TCF12: variants seen among roughly 807,000 people sequenced by gnomAD.
TCF12 encodes the protein transcription factor 12.
A neutral mutation model predicts 86.0 loss-of-function variants in TCF12; 45 were observed. That is an observed-to-expected ratio of 0.52 (90% CI 0.41 to 0.67). The LOEUF is 0.67. Ranked by LOEUF, TCF12 falls within the 30% of genes least tolerant of loss-of-function variation. The probability of loss-of-function intolerance (pLI) is 0.00; values close to 1 mark genes in which losing one functional copy is unlikely to be tolerated. For synonymous variants in TCF12, 330 were observed against 299.6 expected (o/e 1.10, Z -1.05); for missense variants, 881 against 859.9 (o/e 1.02, Z -0.31).
chr15:57,017,614 T>C (rs2065226748), intron 3 of TCF12, among the ~76,000 whole-genome samples: 1 of 152,090 alleles, frequency 6.6e-6, no homozygotes, highest in South Asian at 2.1e-4. Flanking sequence ...AGTAGGTATA[T>C]CAAAATAGGC....
Position 56,972,995 on chromosome 15 carries a change from A to G in TCF12, c.148+51897A>G, listed in dbSNP as rs1475366098. Among the ~76,000 whole-genome samples, 5 of 152,114 alleles carry G rather than the reference A, an allele frequency of 3.3e-5. No homozygotes were observed. The East Asian group carries it at 5.8e-4, about 18-fold the overall frequency. On this transcript the variant is annotated intron_variant, in intron 3 of 20. Transcript: ENST00000333725. ...AGCTATGGGCTAGCAAACCAAAACT[A>G]TGTTCTGTGGTATACCAGGATTGAG...
intron 4 of TCF12, among the ~76,000 whole-genome samples, chr15:57,076,042 A>G (rs1054236331): frequency 6.0e-5 from 9 of 150,898 alleles, no homozygotes; most frequent in Non-Finnish European, 1.3e-4. Context: ...TTTTGTAGAG[A>G]CAGGGTCTCA....
chr15:57,144,497 C>G (rs1166331580), intron 5 of TCF12, among the ~76,000 whole-genome samples: 1 of 152,168 alleles, frequency 6.6e-6, no homozygotes, highest in African/African-American at 2.4e-5. Context: ...AGAGTTCTTA[C>G]ACTTTATAGG....
intron 16 of TCF12, among the ~76,000 whole-genome samples, chr15:57,257,437 T>C (rs547433684): frequency 9.9e-5 from 15 of 151,978 alleles, no homozygotes; most frequent in Non-Finnish European, 2.2e-4. Context: ...TCTCGATGGA[T>C]TGCTAGAAGC....
intron 8 of TCF12, among the ~76,000 whole-genome samples, chr15:57,206,969 G>A (rs1365340878): frequency 1.3e-5 from 2 of 151,650 alleles, no homozygotes; most frequent in African/African-American, 2.4e-5. Flanking sequence ...AATTGGTCGT[G>A]GTAGTGTGTG....
chr15:57,181,944 G>C (rs988977358), intron 6 of TCF12, among the ~76,000 whole-genome samples: 18 of 151,906 alleles, frequency 1.2e-4, no homozygotes, highest in South Asian at 2.1e-4. Context: ...CTATATTTTA[G>C]ATATATGTAT....
intron 2 of TCF12, 133 bp downstream of exon 2, chr15:56,920,121 T>C: frequency 3.1e-6 from 3 of 967,000 alleles, no homozygotes; most frequent in Non-Finnish European, 4.7e-6. Context: ...TGCTTTCTGC[T>C]TAAGCAGTAG....
In TCF12 at chr15:57,233,586, C is replaced by T. The variant is rs543180319; in HGVS notation, c.971-457C>T. 2.0e-5 allele frequency among the ~76,000 whole-genome samples: 3 copies of T among 151,830 alleles called. No homozygotes were observed. The East Asian group carries it at 5.8e-4, about 29-fold the overall frequency. On this transcript the variant is annotated intron_variant, in intron 11 of 20. Coordinates refer to ENST00000333725, the MANE Select transcript of TCF12 (RefSeq NM_207037.2). ...CTCCGCCTCCAGGCTCAGGTGATAC[C>T]CCAGCTTCAGCTTCCCAAGTAGCTG...
chr15:57,000,300 A>T (rs2063948667), intron 3 of TCF12, among the ~76,000 whole-genome samples: 1 of 151,584 alleles, frequency 6.6e-6, no homozygotes, highest in Middle Eastern at 3.4e-3. Context: ...TTGGCTTCCC[A>T]AAGTGGTGGG....
intron 18 of TCF12, among the ~76,000 whole-genome samples, chr15:57,266,479 C>T (rs2060877520): frequency 1.3e-5 from 2 of 152,034 alleles, no homozygotes; most frequent in South Asian, 4.2e-4. Context: ...GAATAGTTGC[C>T]ACAGAGACTA....
rs769679947 is a variant in TCF12, at chr15:57,232,795, C to T, written c.909C>T (p.Ser303=). 4 of 1,612,876 alleles carry T rather than the reference C, an allele frequency of 2.5e-6. No individual in the cohort carries two copies. In the South Asian group the frequency reaches 4.4e-5, roughly 18 times the overall value. Residue 303 remains serine (S), a synonymous_variant, in exon 11 of 21, where the codon AGC becomes AGT. Transcript: ENST00000333725. ...CCAGCTTTCATCGCGGCAGTACCAG[C>T]AGTTCACCTTACGTTGCTGCCTCAC... ...PMSSFHRGST[S]SSPYVAASHT...
At chr15:57,067,889 T>C (rs1446885931) in intron 4 of TCF12, among the ~76,000 whole-genome samples, 3 of 152,222 alleles carry the variant, frequency 2.0e-5, no homozygotes, top group Non-Finnish European at 2.9e-5. Context: ...AGTTTAGACA[T>C]GGGCAAGAGA....
At chr15:57,024,503 T>C (rs764459433) in intron 3 of TCF12, among the ~76,000 whole-genome samples, 4 of 152,040 alleles carry the variant, frequency 2.6e-5, no homozygotes, top group Non-Finnish European at 5.9e-5. Context: ...CATGAGCCAC[T>C]GCACCCAACC....
chr15:57,266,495 C>A (rs991756060), intron 18 of TCF12, among the ~76,000 whole-genome samples: 1 of 152,122 alleles, frequency 6.6e-6, no homozygotes, highest in Admixed American at 6.6e-5. Flanking sequence ...GACTATATGG[C>A]CCATCAGAGC....
chr15:57,059,519 G>A (rs1305485447), intron 3 of TCF12, among the ~76,000 whole-genome samples: 1 of 151,944 alleles, frequency 6.6e-6, no homozygotes, highest in Non-Finnish European at 1.5e-5. Context: ...CTTTACCCTA[G>A]TCTTGGTTCA....
intron 3 of TCF12, among the ~76,000 whole-genome samples, chr15:56,945,202 C>T (rs1380206132): frequency 2.6e-5 from 4 of 151,992 alleles, no homozygotes; most frequent in African/African-American, 9.7e-5. Context: ...CACAATATTC[C>T]ATTATTGTTT....
intron 3 of TCF12, among the ~76,000 whole-genome samples, chr15:57,038,313 A>G (rs1816322): frequency 0.04 from 6,127 of 152,112 alleles, 373 homozygotes; most frequent in Admixed American, 0.17. Flanking sequence ...CTGTGGTCCA[A>G]GCTACTCAGG....
chr15:57,159,262 G>A lies in TCF12; in HGVS notation c.326-7140G>A, dbSNP rs182505120. 3.3e-5 allele frequency among the ~76,000 whole-genome samples: 5 copies of A among 152,336 alleles called. No individual in the cohort carries two copies. The East Asian group carries it at 5.8e-4, about 18-fold the overall frequency. ...GAGAGCGAAGCAAGAGCTAAGAGACGAATCCAGTAATCAGAATTCCCAGGT... is the reference window on the plus strand; with the variant it reads ...GAGAGCGAAGCAAGAGCTAAGAGACAAATCCAGTAATCAGAATTCCCAGGT... On this transcript the variant is annotated intron_variant, in intron 5 of 20. Coordinates refer to ENST00000333725, the MANE Select transcript of TCF12 (RefSeq NM_207037.2).
intron 8 of TCF12, among the ~76,000 whole-genome samples, chr15:57,209,276 A>G (rs966567285): frequency 1.3e-5 from 2 of 152,120 alleles, no homozygotes; most frequent in South Asian, 2.1e-4. Flanking sequence ...TCTCCCTTCA[A>G]TTATGCAGTT....
Sources: allele counts gnomAD v4.1 joint callset (sites outside exome capture counted in the v4.1 genomes callset), GRCh38; gene constraint gnomAD v4.1.1; transcripts MANE v1.5; gene names NCBI Gene and HGNC (gene_info 2026-07-23, HGNC 2026-07-21).